The following TCF20 variants were observed in gnomAD, a reference collection of about 807,000 sequenced individuals.
TCF20 encodes SPRE-binding protein.
Under a neutral mutation model 148.6 loss-of-function variants are expected in TCF20, and 3 were observed. The observed-to-expected ratio is 0.02, with a 90% CI of 0.01 to 0.05. TCF20 has a LOEUF of 0.05. Ranked by LOEUF, TCF20 falls within the 10% of genes least tolerant of loss-of-function variation. The probability of loss-of-function intolerance (pLI) is 1.00; values close to 1 mark genes in which losing one functional copy is unlikely to be tolerated. For missense variants in TCF20, 2,350 were observed against 2,429.3 expected (o/e 0.97, Z 0.69); for synonymous variants, 1,049 against 909.5 (o/e 1.15, Z -2.76).
chr22:42,254,857 C>G (rs1300725229), intron 1 of TCF20, among the ~76,000 whole-genome samples: 2 of 146,090 alleles, frequency 1.4e-5, no homozygotes. Flanking sequence ...CCCAAATACT[C>G]TGGAGGCTGA....
chr22:42,232,562 T>C (rs1272642434), intron 1 of TCF20, among the ~76,000 whole-genome samples: 2 of 152,162 alleles, frequency 1.3e-5, no homozygotes, highest in African/African-American at 4.8e-5. Context: ...GCGCAGTGGC[T>C]CACGCCCGTA....
chr22:42,212,571 C>T lies in TCF20; in HGVS notation c.2735G>A (p.Gly912Asp). 1 of 1,614,044 alleles carries T rather than the reference C, an allele frequency of 6.2e-7. No individual in the cohort carries two copies. Among genetic ancestry groups the T allele is most frequent in the Non-Finnish European group, 8.5e-7 (1 of 1,179,894 alleles). The change falls in exon 2 of 6, where the codon GGT becomes GAT. Residue 912 changes from glycine to aspartate, a missense_variant. Physicochemically the swap from Gly to Asp is moderately conservative, Grantham distance 94. Transcript: ENST00000677622. ...CTTGGTTTCCATGGACACCAAACCA[C>T]CAGGAAGAATGACCGACTGACTTAA... ...PTLSQSVILP[G>D]GLVSMETKLK...
intron 5 of TCF20, among the ~76,000 whole-genome samples, chr22:42,162,299 A>G (rs576474811): frequency 6.6e-6 from 1 of 152,192 alleles, no homozygotes; most frequent in South Asian, 2.1e-4. Context: ...TTCATGCTTA[A>G]AAAGAACACT....
chr22:42,222,494 C>T (rs865858544), intron 1 of TCF20, among the ~76,000 whole-genome samples: 1 of 152,140 alleles, frequency 6.6e-6, no homozygotes, highest in Non-Finnish European at 1.5e-5. Context: ...TCACACCCCC[C>T]CATAGGCCCT....
At position 42,213,299 on chromosome 22, in the gene TCF20, G is replaced by A. The variant is rs996843720; in HGVS notation, c.2007C>T (p.Gly669=). Reference sequence around the variant, plus strand: ...CTCCATTATGGTTGGAGTTGTTATCGCCATTCTTGTTTCCTTTGCTCCCTC... The same window carrying A: ...CTCCATTATGGTTGGAGTTGTTATCACCATTCTTGTTTCCTTTGCTCCCTC... ...GGGGSKGNKN[G]DNNSNHNGEG... is the part of the protein sequence containing the mutation. Residue 669 remains glycine (G), a synonymous_variant, in exon 2 of 6, where the codon GGC becomes GGT. Coordinates refer to ENST00000677622, the MANE Select transcript of TCF20 (RefSeq NM_001378418.1). 8 of 1,613,996 alleles carry A rather than the reference G, an allele frequency of 5.0e-6. No individual in the cohort carries two copies. The highest frequency in any genetic ancestry group is 1.7e-5 in the Admixed American group (1 of 59,998).
chr22:42,339,484 A>C (rs979862272), intron 1 of TCF20, among the ~76,000 whole-genome samples: 3 of 152,244 alleles, frequency 2.0e-5, no homozygotes, highest in Non-Finnish European at 4.4e-5. Context: ...TAAACCCAGC[A>C]TTCTCTGGGC....
At chr22:42,291,466 C>A (rs541838690) in intron 1 of TCF20, among the ~76,000 whole-genome samples, 2 of 152,172 alleles carry the variant, frequency 1.3e-5, no homozygotes, top group Non-Finnish European at 2.9e-5. Context: ...AGGTCATAGG[C>A]CTCAGGGCTG....
At chr22:42,340,188 C>T (rs1198922318) in intron 1 of TCF20, among the ~76,000 whole-genome samples, 1 of 152,192 alleles carries the variant, frequency 6.6e-6, no homozygotes, top group Non-Finnish European at 1.5e-5. Context: ...TTTCAAGGGG[C>T]CCAGCAGCTC....
At chr22:42,183,706 C>T (rs1380043224) in intron 2 of TCF20, among the ~76,000 whole-genome samples, 1 of 151,628 alleles carries the variant, frequency 6.6e-6, no homozygotes, top group Admixed American at 6.6e-5. Flanking sequence ...GGTGTTATGA[C>T]AATGATAGAA....
chr22:42,248,909 T>C (rs1925135483), intron 1 of TCF20, among the ~76,000 whole-genome samples: 2 of 152,208 alleles, frequency 1.3e-5, no homozygotes, highest in Admixed American at 1.3e-4. Context: ...GCTATCAACT[T>C]GACAGGAACA....
Position 42,213,962 on chromosome 22 carries a change from C to A in TCF20, c.1344G>T (p.Leu448=), listed in dbSNP as rs1921364766. ...FGLEGVPEKR[L]TDPGLSSLSA... is the part of the protein sequence containing the mutation. The stretch of plus-strand genomic sequence containing the variant: ...TCAAACTACTCAACCCAGGATCTGT[C>A]AGTCGCTTTTCTGGTACCCCTTCTA... The change falls in exon 2 of 6, where the codon CTG becomes CTT. Residue 448 remains leucine (L), a synonymous_variant. Transcript: ENST00000677622. The A allele has an allele frequency of 6.2e-7, 1 of 1,614,204 alleles. No homozygotes were observed. The highest frequency in any genetic ancestry group is 8.5e-7 in the Non-Finnish European group (1 of 1,180,034).
chr22:42,248,465 C>T (rs55906806), intron 1 of TCF20, among the ~76,000 whole-genome samples: 19,863 of 152,132 alleles, frequency 0.13, 1,675 homozygotes, highest in Non-Finnish European at 0.19. Flanking sequence ...GAATATAAAA[C>T]GTGCACTGTG....
In TCF20 at chr22:42,216,048, G is replaced by A. The variant is rs183299166; in HGVS notation, c.-36-707C>T. Reference sequence around the variant, plus strand: ...TCAATAAGCCTCCCAGTTATGCGGGGGAGGGGGTGTGGGGTAAGAAAAACC... The same window carrying A: ...TCAATAAGCCTCCCAGTTATGCGGGAGAGGGGGTGTGGGGTAAGAAAAACC... On this transcript the variant is annotated intron_variant, in intron 1 of 5. Coordinates refer to ENST00000677622, the MANE Select transcript of TCF20 (RefSeq NM_001378418.1). Among the ~76,000 whole-genome samples, 80 of 149,390 alleles carry A rather than the reference G, an allele frequency of 5.4e-4. No individual in the cohort carries two copies. In the East Asian group the frequency reaches 0.013, roughly 24 times the overall value.
At chr22:42,246,826 C>T (rs1296932613) in intron 1 of TCF20, among the ~76,000 whole-genome samples, 11 of 151,786 alleles carry the variant, frequency 7.2e-5, no homozygotes, top group African/African-American at 4.8e-5. Context: ...ATTAGCCAGG[C>T]GTGGTGGCGG....
At chr22:42,196,819 C>A (rs974462024) in intron 2 of TCF20, among the ~76,000 whole-genome samples, 3 of 151,916 alleles carry the variant, frequency 2.0e-5, no homozygotes, top group Admixed American at 2.0e-4. Context: ...CCAGGTCCCA[C>A]TGGTGGTGCT....
chr22:42,304,328 A>C (rs952458538), intron 1 of TCF20, among the ~76,000 whole-genome samples: 9 of 152,224 alleles, frequency 5.9e-5, no homozygotes, highest in Admixed American at 5.2e-4. Flanking sequence ...AGGCAGGTAG[A>C]GCCCAACAGG....
At chr22:42,216,146 G>A (rs1381639228) in intron 1 of TCF20, among the ~76,000 whole-genome samples, 1 of 135,270 alleles carries the variant, frequency 7.4e-6, no homozygotes, top group Non-Finnish European at 1.5e-5. Flanking sequence ...GGAGTGTGCA[G>A]GGGCACAGTC....
rs1920925401 is a variant in TCF20 at position 42,209,721 on chromosome 22, G to A, written c.5585C>T (p.Ala1862Val). 6.2e-7 allele frequency: 1 copy of A among 1,614,038 alleles called. No homozygotes were observed. Among genetic ancestry groups the A allele is most frequent in the South Asian group, 1.1e-5 (1 of 91,084 alleles). Residue 1862 changes from alanine (A) to valine (V), a missense_variant, in exon 2 of 6, where the codon GCC (alanine) becomes GTC (valine). By Grantham distance (64) the Ala-to-Val change is moderately conservative. Around this residue, in one of 7 missense-constraint regions of TCF20, gnomAD observed 374 missense variants for 398.3 expected, o/e 0.94. Coordinates refer to ENST00000677622, the MANE Select transcript of TCF20 (RefSeq NM_001378418.1). Reference protein sequence around the residue: ...FWVHEGCILWANGIYLVCGRL... With the variant: ...FWVHEGCILWVNGIYLVCGRL... ...GCCACAAACCAGGTAGATTCCATTG[G>A]CCCAGAGAATACAACCCTCATGGAC...
intron 1 of TCF20, among the ~76,000 whole-genome samples, chr22:42,258,821 TG>T (rs1295538310): frequency 6.6e-6 from 1 of 152,160 alleles, no homozygotes; most frequent in Non-Finnish European, 1.5e-5. Context: ...TTAGGACGGA[TG>T]GGTTTATCAG....
Sources: gnomAD v4.1 joint callset for allele counts (sites outside exome capture counted in the v4.1 genomes callset) on GRCh38, gnomAD v4.1.1 for gene constraint, gnomAD v4.1.1 regional missense constraint, MANE v1.5 for transcripts, NCBI Gene and HGNC (gene_info 2026-07-23, HGNC 2026-07-21) for gene names.